LRBA: variants seen among roughly 807,000 people sequenced by gnomAD.
LRBA encodes the protein lipopolysaccharide-responsive and beige-like anchor protein.
A neutral mutation model predicts 330.0 loss-of-function variants in LRBA; 176 were observed. The ratio of observed to expected loss-of-function variants is 0.53; its 90% CI spans 0.47 to 0.60. The LOEUF is 0.60. Ranked by LOEUF, LRBA falls within the 20% of genes least tolerant of loss-of-function variation. The pLI is 0.00. For synonymous variants in LRBA, 1,230 were observed against 1,193.0 expected (o/e 1.03, Z -0.64); for missense variants, 3,259 against 3,444.8 (o/e 0.95, Z 1.35).
At chr4:150,383,410 T>C (rs1477514448) in intron 47 of LRBA, among the ~76,000 whole-genome samples, 2 of 152,004 alleles carry the variant, frequency 1.3e-5, no homozygotes, top group African/African-American at 4.8e-5. Flanking sequence ...CCACCATGTC[T>C]GGCTAATTTT....
intron 4 of LRBA, among the ~76,000 whole-genome samples, chr4:150,926,757 T>G (rs1733922071): frequency 6.6e-6 from 1 of 152,010 alleles, no homozygotes. Flanking sequence ...AAATGGAAAA[T>G]ATTTAAAAGA....
chr4:150,847,793 T>C, intron 26 of LRBA, among the ~76,000 whole-genome samples: 1 of 152,228 alleles, frequency 6.6e-6, no homozygotes, highest in Non-Finnish European at 1.5e-5. Context: ...AGTCATTTCA[T>C]GTATTTTTAC....
intron 51 of LRBA, chr4:150,310,990 C>CTGCT (rs1412416777): frequency 6.6e-6 from 1 of 152,168 alleles, no homozygotes; most frequent in Non-Finnish European, 1.5e-5. Context: ...AGTCAAAGCA[C>CTGCT]AGCAGACTGC....
chr4:150,444,391 G>A (rs1470696083), intron 44 of LRBA, among the ~76,000 whole-genome samples: 1 of 151,980 alleles, frequency 6.6e-6, no homozygotes, highest in African/African-American at 2.4e-5. Context: ...TAAATAAATA[G>A]TGTCTGTCAT....
rs762827813 is a variant in LRBA at position 150,914,349 on chromosome 4, A to C, written c.1015-8T>G. The C allele has an allele frequency of 6.7e-7, 1 of 1,493,920 alleles. No individual in the cohort carries two copies. The highest frequency in any genetic ancestry group is 1.4e-5 in the African/African-American group (1 of 70,866). 92.5% of individuals were successfully genotyped at this position (1,493,920 alleles called of 1,614,324 possible). A position where few individuals can be genotyped will look rare whatever the true frequency, so the allele number is the denominator to read the frequency against. On this transcript the variant is annotated splice_polypyrimidine_tract_variant and splice_region_variant and intron_variant, in intron 8 of 56. Coordinates refer to ENST00000651943, the MANE Select transcript of LRBA (RefSeq NM_001364905.1). The stretch of plus-strand genomic sequence containing the variant: ...GAAACATTTGTCAAAGGTCTGTAAA[A>C]GAAAAAAAAAAAGGAATTAGGAAAA...
intron 34 of LRBA, among the ~76,000 whole-genome samples, chr4:150,790,309 A>G (rs1232298716): frequency 6.6e-5 from 10 of 152,182 alleles, no homozygotes; most frequent in Non-Finnish European, 1.3e-4. Flanking sequence ...TGGTGAATCC[A>G]TAGGACGCCT....
At chr4:150,579,189 A>T (rs1400290172) in intron 40 of LRBA, 2 of 456,466 alleles carry the variant, frequency 4.4e-6, no homozygotes, top group Non-Finnish European at 8.8e-6. Context: ...TACACCATCA[A>T]GGAGCTGCTG....
rs547417163 is a variant in LRBA at position 150,593,511 on chromosome 4, C to T, written c.6047-2652G>A. On this transcript the variant is annotated intron_variant, in intron 38 of 56. Coordinates refer to ENST00000651943, the MANE Select transcript of LRBA (RefSeq NM_001364905.1). ...GTGCCAGAAGCTGGGCTCTTAACCACGATGCCATATTAGCTCTTAGATGTA... is the reference window on the plus strand; with the variant it reads ...GTGCCAGAAGCTGGGCTCTTAACCATGATGCCATATTAGCTCTTAGATGTA... 4.5e-4 allele frequency among the ~76,000 whole-genome samples: 69 copies of T among 152,194 alleles called. 1 individual carries two copies. Among genetic ancestry groups the T allele is most frequent in the South Asian group, 6.2e-4 (3 of 4,818 alleles).
chr4:150,678,025 A>G (rs1196397107), intron 37 of LRBA, among the ~76,000 whole-genome samples: 3 of 152,084 alleles, frequency 2.0e-5, no homozygotes, highest in African/African-American at 7.2e-5. Flanking sequence ...AGATAATTTG[A>G]GGTCAGGAGT....
At chr4:150,661,523 A>G (rs992229035) in intron 37 of LRBA, among the ~76,000 whole-genome samples, 1 of 152,038 alleles carries the variant, frequency 6.6e-6, no homozygotes, top group Admixed American at 6.6e-5. Context: ...AAATAAAAAA[A>G]ACTTTTATGT....
At position 150,990,953 on chromosome 4, in the gene LRBA, G is replaced by A. The variant is rs563809963; in HGVS notation, c.216+23474C>T. Among the ~76,000 whole-genome samples the A allele has an allele frequency of 4.6e-5, 7 of 151,636 alleles. No homozygotes were observed. In the South Asian group the frequency reaches 6.2e-4, roughly 13 times the overall value. Reference sequence around the variant, plus strand: ...CAAGAATCACTTGAACCAGGGAAGCGCTGAACCAGGGAGGCGCTGAACCTC... The same window carrying A: ...CAAGAATCACTTGAACCAGGGAAGCACTGAACCAGGGAGGCGCTGAACCTC... On this transcript the variant is annotated intron_variant, in intron 2 of 56. Transcript: ENST00000651943.
intron 48 of LRBA, among the ~76,000 whole-genome samples, chr4:150,338,099 G>A (rs1409274868): frequency 6.6e-6 from 1 of 152,062 alleles, no homozygotes; most frequent in Non-Finnish European, 1.5e-5. Flanking sequence ...GAGTGATTAC[G>A]CATAGCTAAG....
chr4:150,397,972 C>A (rs756325525), intron 47 of LRBA, among the ~76,000 whole-genome samples: 1 of 151,930 alleles, frequency 6.6e-6, no homozygotes, highest in African/African-American at 2.4e-5. Flanking sequence ...TTAAACAAAG[C>A]GAAATATAAA....
chr4:150,407,786 C>A (rs1194653908), intron 47 of LRBA, among the ~76,000 whole-genome samples: 1 of 152,076 alleles, frequency 6.6e-6, no homozygotes, highest in Middle Eastern at 3.2e-3. Context: ...GGAAACCAAG[C>A]AATGCACTTC....
chr4:150,985,240 A>C (rs1247322433), intron 2 of LRBA, among the ~76,000 whole-genome samples: 1 of 150,480 alleles, frequency 6.6e-6, no homozygotes, highest in Non-Finnish European at 1.5e-5. Context: ...CCTGGGTGAC[A>C]GAGCTAGACT....
intron 37 of LRBA, among the ~76,000 whole-genome samples, chr4:150,646,034 T>G (rs1186420632): frequency 6.6e-6 from 1 of 151,956 alleles, no homozygotes. Context: ...TATAATATCC[T>G]TTATCTTGCC....
chr4:150,708,713 A>G (rs1785881285), intron 36 of LRBA, among the ~76,000 whole-genome samples: 1 of 151,810 alleles, frequency 6.6e-6, no homozygotes, highest in African/African-American at 2.4e-5. Context: ...AAAATAAATA[A>G]TAGTTCATAT....
At chr4:150,470,974 C>T (rs1452418234) in intron 43 of LRBA, among the ~76,000 whole-genome samples, 1 of 152,028 alleles carries the variant, frequency 6.6e-6, no homozygotes, top group East Asian at 1.9e-4. Flanking sequence ...TTTGATGCAG[C>T]TCTAATATCA....
intron 34 of LRBA, among the ~76,000 whole-genome samples, chr4:150,776,203 G>C (rs1023317318): frequency 2.0e-5 from 3 of 152,138 alleles, no homozygotes; most frequent in Non-Finnish European, 2.9e-5. Flanking sequence ...TATAATCCTA[G>C]CCACTAGGGA....
Sources: gnomAD v4.1 joint callset for allele counts (sites outside exome capture counted in the v4.1 genomes callset) on GRCh38, gnomAD v4.1.1 for gene constraint, MANE v1.5 for transcripts, NCBI Gene and HGNC (gene_info 2026-07-23, HGNC 2026-07-21) for gene names.